MAP4K3: variants seen among roughly 807,000 people sequenced by gnomAD.
MAP4K3 encodes the protein mitogen-activated protein kinase kinase kinase kinase 3.
MAP4K3 carries 94 observed loss-of-function variants against 143.5 expected under a neutral mutation model. The ratio of observed to expected loss-of-function variants is 0.65; its 90% CI spans 0.55 to 0.78. The LOEUF (loss-of-function observed/expected upper bound fraction) is 0.78, where lower values mean the gene tolerates loss of function less well. MAP4K3 is among the 30% of genes least tolerant of loss of function. The probability of loss-of-function intolerance (pLI) is 0.00; values close to 1 mark genes in which losing one functional copy is unlikely to be tolerated. For missense variants in MAP4K3, 1,077 were observed against 1,068.1 expected, an observed-to-expected ratio of 1.01 and a Z score of -0.12; for synonymous variants, 416 against 347.2, an observed-to-expected ratio of 1.20 and a Z score of -2.20.
chr2:39,402,401 C>T (rs910684648), intron 1 of MAP4K3, among the ~76,000 whole-genome samples: 3 of 152,126 alleles, frequency 2.0e-5, no homozygotes, highest in Non-Finnish European at 2.9e-5. Flanking sequence ...CAAGAACCTT[C>T]ATGAACTCCC....
At chr2:39,316,535 A>AT (rs1683118088) in intron 12 of MAP4K3, among the ~76,000 whole-genome samples, 1 of 152,006 alleles carries the variant, frequency 6.6e-6, no homozygotes, top group Non-Finnish European at 1.5e-5. Flanking sequence ...ATTTTTTCAT[A>AT]TTTTTTCAAA....
intron 8 of MAP4K3, among the ~76,000 whole-genome samples, chr2:39,330,414 G>C (rs1683644781): frequency 6.6e-6 from 1 of 152,076 alleles, no homozygotes; most frequent in South Asian, 2.1e-4. Context: ...TCTCAAAAAT[G>C]TTACTCCCAT....
chr2:39,317,628 A>C (rs1002121324), intron 12 of MAP4K3, among the ~76,000 whole-genome samples: 1 of 152,190 alleles, frequency 6.6e-6, no homozygotes, highest in Non-Finnish European at 1.5e-5. Flanking sequence ...GAAGACATAT[A>C]CACAGCCATC....
At chr2:39,354,018 C>T (rs186148987) in intron 3 of MAP4K3, among the ~76,000 whole-genome samples, 2 of 152,082 alleles carry the variant, frequency 1.3e-5, no homozygotes, top group South Asian at 2.1e-4. Flanking sequence ...ACCAAAGATA[C>T]GATTTGTCTC....
chr2:39,299,121 A>C (rs1573114596), intron 16 of MAP4K3, among the ~76,000 whole-genome samples: 1 of 152,212 alleles, frequency 6.6e-6, no homozygotes, highest in Non-Finnish European at 1.5e-5. Context: ...TAAGGGGAAT[A>C]GCAAAATTCT....
intron 4 of MAP4K3, 127 bp from the exon 5 acceptor site, chr2:39,337,708 G>A (rs1665007671): frequency 2.3e-6 from 1 of 437,784 alleles, no homozygotes; most frequent in Non-Finnish European, 4.3e-6. Flanking sequence ...TGTAAGCTAG[G>A]ACTACAGGCA....
chr2:39,298,921 C>T (rs1261015536), intron 16 of MAP4K3, among the ~76,000 whole-genome samples: 1 of 149,424 alleles, frequency 6.7e-6, no homozygotes, highest in Non-Finnish European at 1.5e-5. Context: ...GCCAAGTTCA[C>T]GCCACTGCAC....
chr2:39,259,831 C>T (rs1258259649), intron 29 of MAP4K3, among the ~76,000 whole-genome samples: 2 of 151,958 alleles, frequency 1.3e-5, no homozygotes, highest in African/African-American at 4.8e-5. Flanking sequence ...TAATTATTTC[C>T]AAGAAAGATT....
intron 1 of MAP4K3, among the ~76,000 whole-genome samples, chr2:39,396,470 AG>A (rs908251343): frequency 6.6e-6 from 1 of 151,406 alleles, no homozygotes; most frequent in African/African-American, 2.4e-5. Context: ...TTTAACTTCA[AG>A]CCCCCAATTT....
intron 23 of MAP4K3, 28 bp downstream of exon 23, chr2:39,280,244 G>A: frequency 7.6e-7 from 1 of 1,311,500 alleles, no homozygotes; most frequent in Non-Finnish European, 1.0e-6. Flanking sequence ...AAATTAGGAA[G>A]ATAACAGATA....
At chr2:39,393,793 A>C (rs777937750) in intron 1 of MAP4K3, among the ~76,000 whole-genome samples, 19 of 152,168 alleles carry the variant, frequency 1.2e-4, no homozygotes, top group Admixed American at 5.9e-4. Flanking sequence ...GTCCCATAGC[A>C]GCCCCTGCAG....
chr2:39,396,324 C>G (rs1000269374), intron 1 of MAP4K3, among the ~76,000 whole-genome samples: 2 of 152,096 alleles, frequency 1.3e-5, no homozygotes, highest in African/African-American at 4.8e-5. Context: ...TATAGGTGAG[C>G]CACTGCACCC....
intron 1 of MAP4K3, among the ~76,000 whole-genome samples, chr2:39,425,282 C>T (rs550175141): frequency 6.6e-6 from 1 of 152,026 alleles, no homozygotes; most frequent in East Asian, 1.9e-4. Context: ...TAGACTAATC[C>T]GAAAGCACTA....
At chr2:39,277,571 G>GT (rs1239256124) in intron 24 of MAP4K3, among the ~76,000 whole-genome samples, 158 of 148,266 alleles carry the variant, frequency 1.1e-3, no homozygotes, top group South Asian at 3.4e-3. Flanking sequence ...GCTCCAGAAG[G>GT]TTTTTTTTTT....
At chr2:39,305,776 C>T (rs1682680144) in intron 15 of MAP4K3, among the ~76,000 whole-genome samples, 1 of 151,724 alleles carries the variant, frequency 6.6e-6, no homozygotes, top group Non-Finnish European at 1.5e-5. Context: ...AATATGGTAA[C>T]TTATTCAAGT....
At chr2:39,350,918 G>A (rs924436253) in intron 3 of MAP4K3, among the ~76,000 whole-genome samples, 3 of 152,020 alleles carry the variant, frequency 2.0e-5, no homozygotes, top group Admixed American at 2.0e-4. Flanking sequence ...CCAATCGCAG[G>A]TTCACCTAAC....
At chr2:39,324,157 C>A (rs1046995775) in intron 12 of MAP4K3, among the ~76,000 whole-genome samples, 1 of 152,118 alleles carries the variant, frequency 6.6e-6, no homozygotes, top group Non-Finnish European at 1.5e-5. Flanking sequence ...TGCCTGTAAT[C>A]CCAGCATTTG....
intron 26 of MAP4K3, among the ~76,000 whole-genome samples, chr2:39,267,785 T>G (rs1444440892): frequency 1.3e-5 from 2 of 151,846 alleles, no homozygotes; most frequent in Non-Finnish European, 2.9e-5. Flanking sequence ...TATAGAAGTC[T>G]ATAGAAATAT....
intron 1 of MAP4K3, among the ~76,000 whole-genome samples, chr2:39,387,214 G>A (rs762330844): frequency 1.3e-5 from 2 of 151,844 alleles, no homozygotes; most frequent in Non-Finnish European, 1.5e-5. Context: ...GGCAACAAAG[G>A]TCCTTTGCCT....
Sources: gnomAD v4.1 joint callset for allele counts (sites outside exome capture counted in the v4.1 genomes callset) on GRCh38, gnomAD v4.1.1 for gene constraint, MANE v1.5 for transcripts, NCBI Gene and HGNC (gene_info 2026-07-23, HGNC 2026-07-21) for gene names.